Variants in SLC4A4 observed in about 807,000 individuals in gnomAD.
The protein encoded by SLC4A4 is solute carrier family 4 member 4, also known as electrogenic sodium bicarbonate cotransporter 1.
Under a neutral mutation model 111.5 loss-of-function variants are expected in SLC4A4, and 27 were observed. That is an observed-to-expected ratio of 0.24 (90% CI 0.18 to 0.33). The LOEUF (loss-of-function observed/expected upper bound fraction) is 0.33. Ranked by LOEUF, SLC4A4 falls within the 10% of genes least tolerant of loss-of-function variation. The probability of loss-of-function intolerance (pLI) is 1.00; values close to 1 mark genes in which losing one functional copy is unlikely to be tolerated. For synonymous variants in SLC4A4, 443 were observed against 463.4 expected (o/e 0.96, Z 0.57); for missense variants, 909 against 1,315.5 (o/e 0.69, Z 4.78).
chr4:71,457,518 C>A (rs1174809526), intron 12 of SLC4A4, among the ~76,000 whole-genome samples: 1 of 152,120 alleles, frequency 6.6e-6, no homozygotes, highest in Non-Finnish European at 1.5e-5. Flanking sequence ...GCAACCCTGG[C>A]TTGTGACTGT....
chr4:71,214,655 G>A (rs936268693), intron 1 of SLC4A4, among the ~76,000 whole-genome samples: 4 of 152,192 alleles, frequency 2.6e-5, no homozygotes, highest in South Asian at 2.1e-4. Context: ...AGCAAAAAAA[G>A]AAAGTTGGTG....
At chr4:71,072,959 T>A (rs1315439259) in intron 1 of SLC4A4, among the ~76,000 whole-genome samples, 1 of 151,868 alleles carries the variant, frequency 6.6e-6, no homozygotes, top group Non-Finnish European at 1.5e-5. Context: ...TTATTATTAT[T>A]ATTTTGGTAG....
chr4:71,118,976 A>G (rs976463674), intron 2 of SLC4A4, among the ~76,000 whole-genome samples: 1 of 152,162 alleles, frequency 6.6e-6, no homozygotes, highest in African/African-American at 2.4e-5. Flanking sequence ...TGCTACTCTA[A>G]TAGTGGATAC....
chr4:71,118,943 T>A (rs1285591351), intron 2 of SLC4A4, among the ~76,000 whole-genome samples: 1 of 152,158 alleles, frequency 6.6e-6, no homozygotes, highest in African/African-American at 2.4e-5. Context: ...AGAGGACTCT[T>A]AGGACTGTAA....
chr4:71,247,943 C>A (rs1394678759), intron 2 of SLC4A4, among the ~76,000 whole-genome samples: 1 of 152,082 alleles, frequency 6.6e-6, no homozygotes, highest in Non-Finnish European at 1.5e-5. Context: ...CTGTTTCCTG[C>A]AGATTGGCAG....
At chr4:71,431,986 C>G (rs1363498548) in intron 7 of SLC4A4, among the ~76,000 whole-genome samples, 2 of 152,040 alleles carry the variant, frequency 1.3e-5, no homozygotes, top group East Asian at 3.9e-4. Context: ...ATGTTTGATA[C>G]AGTGGAGAAT....
chr4:71,503,064 A>G (rs531946333), intron 16 of SLC4A4, among the ~76,000 whole-genome samples: 1 of 152,156 alleles, frequency 6.6e-6, no homozygotes, highest in South Asian at 2.1e-4. Context: ...TTCTTTTATT[A>G]TTATATAATG....
chr4:71,530,388 G>T (rs769612750), intron 16 of SLC4A4, among the ~76,000 whole-genome samples: 1 of 152,130 alleles, frequency 6.6e-6, no homozygotes, highest in Non-Finnish European at 1.5e-5. Flanking sequence ...TTTTGCAGAT[G>T]AAGTAATTGA....
chr4:71,188,508 CTCAT>C (rs1335664521), intron 1 of SLC4A4, among the ~76,000 whole-genome samples: 1 of 152,204 alleles, frequency 6.6e-6, no homozygotes, highest in African/African-American at 2.4e-5. Flanking sequence ...GTACTAAACG[CTCAT>C]TGTCTCAAAT....
intron 2 of SLC4A4, among the ~76,000 whole-genome samples, chr4:71,098,646 T>A (rs990485414): frequency 3.3e-5 from 5 of 152,154 alleles, no homozygotes; most frequent in Non-Finnish European, 4.4e-5. Flanking sequence ...GCATTAAATG[T>A]CCCACTTAAA....
At chr4:71,364,725 G>T (rs968782545) in intron 6 of SLC4A4, among the ~76,000 whole-genome samples, 4 of 152,034 alleles carry the variant, frequency 2.6e-5, no homozygotes, top group African/African-American at 9.7e-5. Context: ...GAAGAATTTT[G>T]GGGGGGATAC....
At chr4:71,253,466 T>C (rs1721220217) in intron 2 of SLC4A4, among the ~76,000 whole-genome samples, 1 of 152,222 alleles carries the variant, frequency 6.6e-6, no homozygotes, top group Non-Finnish European at 1.5e-5. Flanking sequence ...TTTAATGTGA[T>C]AGGTTTAAAA....
At chr4:71,063,308 T>G (rs1741434695) in intron 1 of SLC4A4, among the ~76,000 whole-genome samples, 2 of 152,162 alleles carry the variant, frequency 1.3e-5, no homozygotes, top group Admixed American at 1.3e-4. Context: ...ACGTTTCTGT[T>G]GTCGGGTACA....
At chr4:71,407,247 A>T (rs75242060) in intron 7 of SLC4A4, among the ~76,000 whole-genome samples, 3,802 of 152,250 alleles carry the variant, frequency 0.025, 158 homozygotes, top group East Asian at 0.15. Flanking sequence ...TGAATAATAA[A>T]AAATTTTTAA....
intron 2 of SLC4A4, among the ~76,000 whole-genome samples, chr4:71,179,477 T>G (rs1270338098): frequency 1.3e-5 from 2 of 152,120 alleles, no homozygotes; most frequent in African/African-American, 4.8e-5. Context: ...GCCCAAAATC[T>G]CCTTAAGCCG....
intron 12 of SLC4A4, among the ~76,000 whole-genome samples, chr4:71,461,574 T>G (rs1296690412): frequency 2.6e-5 from 4 of 152,192 alleles, no homozygotes; most frequent in African/African-American, 9.6e-5. Context: ...ATGACAGGTA[T>G]TGGTGGCCTT....
At chr4:71,113,464 C>T (rs1377647165) in intron 2 of SLC4A4, among the ~76,000 whole-genome samples, 1 of 152,180 alleles carries the variant, frequency 6.6e-6, no homozygotes, top group African/African-American at 2.4e-5. Context: ...ATCCTGACCA[C>T]TAGTGGGCAC....
At position 71,522,142 on chromosome 4, in the gene SLC4A4, G is replaced by A. The variant is rs888674053; in HGVS notation, c.2167-9920G>A. 6.6e-5 allele frequency among the ~76,000 whole-genome samples: 10 copies of A among 152,234 alleles called. No homozygotes were observed. The East Asian group carries it at 1.5e-3, about 23-fold the overall frequency. On this transcript the variant is annotated intron_variant, in intron 16 of 25. Coordinates refer to ENST00000264485, the MANE Select transcript of SLC4A4 (RefSeq NM_001098484.3). ...CAGTACTCCATTGACAGTCTTTTTTGTATTCACCATCCTTTTTAAAGGGGT... is the reference window on the plus strand; with the variant it reads ...CAGTACTCCATTGACAGTCTTTTTTATATTCACCATCCTTTTTAAAGGGGT...
chr4:71,373,658 C>T (rs16846318), intron 6 of SLC4A4, among the ~76,000 whole-genome samples: 7,682 of 152,082 alleles, frequency 0.051, 427 homozygotes, highest in South Asian at 0.13. Context: ...GTTTTTAGTA[C>T]GGAGATAGCA....
Sources: gnomAD v4.1 joint callset for allele counts (sites outside exome capture counted in the v4.1 genomes callset) on GRCh38, gnomAD v4.1.1 for gene constraint, MANE v1.5 for transcripts, NCBI Gene and HGNC (gene_info 2026-07-23, HGNC 2026-07-21) for gene names.